Variants in NTN4 observed in about 807,000 individuals in gnomAD.
NTN4 encodes the protein netrin-4.
In NTN4, 32 loss-of-function variants were observed where a neutral mutation model predicts 73.6. The ratio of observed to expected loss-of-function variants is 0.44; its 90% CI spans 0.33 to 0.58. The LOEUF is 0.58. NTN4 is among the 20% of genes least tolerant of loss of function. The probability of loss-of-function intolerance (pLI) is 0.04; values close to 1 mark genes in which losing one functional copy is unlikely to be tolerated. For synonymous variants in NTN4, 258 were observed against 287.5 expected, an observed-to-expected ratio of 0.90 and a Z score of 1.04; for missense variants, 654 against 798.3, an observed-to-expected ratio of 0.82 and a Z score of 2.18.
intron 3 of NTN4, among the ~76,000 whole-genome samples, chr12:95,733,937 G>A (rs533632004): frequency 6.6e-6 from 1 of 152,082 alleles, no homozygotes; most frequent in Non-Finnish European, 1.5e-5. Context: ...AGGCATGGTG[G>A]TGCATGCCTG....
intron 7 of NTN4, among the ~76,000 whole-genome samples, chr12:95,675,938 A>G (rs1456498781): frequency 6.6e-6 from 1 of 152,208 alleles, no homozygotes; most frequent in East Asian, 1.9e-4. Context: ...CCACTTGATG[A>G]CATTCTTAAA....
At chr12:95,691,609 G>T (rs991440920) in intron 5 of NTN4, among the ~76,000 whole-genome samples, 2 of 152,240 alleles carry the variant, frequency 1.3e-5, no homozygotes, top group African/African-American at 2.4e-5. Flanking sequence ...TGGTCAGGCT[G>T]GTCTTGACCT....
intron 2 of NTN4, among the ~76,000 whole-genome samples, chr12:95,768,415 G>A (rs960619670): frequency 6.6e-6 from 1 of 151,960 alleles, no homozygotes; most frequent in African/African-American, 2.4e-5. Context: ...GCAGGATTAG[G>A]GGGAGGGGAT....
intron 3 of NTN4, among the ~76,000 whole-genome samples, chr12:95,732,418 T>C (rs976357287): frequency 6.3e-5 from 8 of 127,260 alleles, no homozygotes; most frequent in South Asian, 5.3e-4. Context: ...TTTTTTTTTT[T>C]CCAGACAAGA....
chr12:95,755,613 G>A (rs2078942358), intron 2 of NTN4, among the ~76,000 whole-genome samples: 2 of 152,070 alleles, frequency 1.3e-5, no homozygotes, highest in Non-Finnish European at 2.9e-5. Context: ...CTTTAAAGTG[G>A]GAAAGTCTTA....
intron 7 of NTN4, among the ~76,000 whole-genome samples, chr12:95,677,351 CTG>C (rs1452381742): frequency 6.7e-6 from 1 of 148,220 alleles, no homozygotes; most frequent in African/African-American, 2.4e-5. Flanking sequence ...CTCATAGACA[CTG>C]TGTCTCAATG....
chr12:95,726,798 C>T lies in NTN4; in HGVS notation c.864+11068G>A, dbSNP rs150332866. On this transcript the variant is annotated intron_variant, in intron 3 of 9. Coordinates refer to ENST00000343702, the MANE Select transcript of NTN4 (RefSeq NM_021229.4). ...TTCAGCCTTCAACATGGTGAAACCCCGTCTCTACTAAAAATACAAAAATTA... is the reference window on the plus strand; with the variant it reads ...TTCAGCCTTCAACATGGTGAAACCCTGTCTCTACTAAAAATACAAAAATTA... 2.0e-4 allele frequency among the ~76,000 whole-genome samples: 30 copies of T among 151,982 alleles called. No homozygotes were observed. The East Asian group carries it at 4.3e-3, about 22-fold the overall frequency.
At chr12:95,715,464 G>A (rs138567914) in intron 3 of NTN4, among the ~76,000 whole-genome samples, 157 of 152,114 alleles carry the variant, frequency 1.0e-3, no homozygotes, top group African/African-American at 3.6e-3. Flanking sequence ...TTTGGTCTTG[G>A]AATCCCCAAG....
rs540886971 is a variant in NTN4, at chr12:95,787,597, T to A, written c.56-129A>T. The A allele has an allele frequency of 7.1e-4, 561 of 793,692 alleles. 3 individuals are homozygous for A. The African/African-American group carries it at 8.9e-3, about 13-fold the overall frequency. 49.2% of individuals were successfully genotyped at this position (793,692 alleles called of 1,614,324 possible). A position where few individuals can be genotyped will look rare whatever the true frequency, so the allele number is the denominator to read the frequency against. ...GAGACTTTCGATAAATGGCAAATTC[T>A]ACCATGCTCCACCATGTTCCTGTTT... On this transcript the variant is annotated intron_variant, in intron 1 of 9. Coordinates refer to ENST00000343702, the MANE Select transcript of NTN4 (RefSeq NM_021229.4).
intron 9 of NTN4, among the ~76,000 whole-genome samples, chr12:95,660,947 T>A (rs1043197357): frequency 3.3e-5 from 5 of 152,164 alleles, no homozygotes; most frequent in Admixed American, 3.3e-4. Flanking sequence ...GCATGGGACA[T>A]CTTATTGTAT....
intron 3 of NTN4, among the ~76,000 whole-genome samples, chr12:95,735,116 C>T (rs1253842265): frequency 1.3e-5 from 2 of 152,066 alleles, no homozygotes; most frequent in Non-Finnish European, 2.9e-5. Flanking sequence ...TTTTCTAATT[C>T]AGAAAAAAGT....
chr12:95,701,936 A>T (rs1229187446), intron 5 of NTN4, among the ~76,000 whole-genome samples: 3 of 152,174 alleles, frequency 2.0e-5, no homozygotes, highest in Admixed American at 2.0e-4. Flanking sequence ...AACATCATCA[A>T]TTTGTTTCAT....
chr12:95,752,822 G>A (rs878912597), intron 2 of NTN4, among the ~76,000 whole-genome samples: 1 of 152,126 alleles, frequency 6.6e-6, no homozygotes, highest in South Asian at 2.1e-4. Context: ...AGCGGCTGCC[G>A]CTGCTTTAAT....
intron 2 of NTN4, among the ~76,000 whole-genome samples, chr12:95,772,308 G>A (rs964658024): frequency 7.2e-5 from 11 of 152,156 alleles, no homozygotes; most frequent in African/African-American, 2.7e-4. Flanking sequence ...CCAAAGTGGT[G>A]GGATTACAGG....
intron 5 of NTN4, among the ~76,000 whole-genome samples, chr12:95,699,895 A>ATTTTCTGAT (rs1207013813): frequency 6.6e-6 from 1 of 151,946 alleles, no homozygotes; most frequent in Non-Finnish European, 1.5e-5. Context: ...TTTCTTTTCC[A>ATTTTCTGAT]TTTTCTGATT....
chr12:95,710,847 C>T (rs1025113068), intron 4 of NTN4, among the ~76,000 whole-genome samples: 1 of 151,860 alleles, frequency 6.6e-6, no homozygotes, highest in Non-Finnish European at 1.5e-5. Flanking sequence ...CTACTAAATA[C>T]AAAAAAATTA....
chr12:95,770,720 T>C (rs2079051022), intron 2 of NTN4, among the ~76,000 whole-genome samples: 1 of 152,258 alleles, frequency 6.6e-6, no homozygotes, highest in Admixed American at 6.5e-5. Flanking sequence ...GAAGCCTTTT[T>C]CAGTAGCAGC....
At chr12:95,766,161 G>T (rs748814609) in intron 2 of NTN4, among the ~76,000 whole-genome samples, 8 of 152,208 alleles carry the variant, frequency 5.3e-5, no homozygotes, top group Non-Finnish European at 1.5e-5. Context: ...TAAAAAGGGT[G>T]CTCCTCTTAC....
Position 95,659,223 on chromosome 12 carries a change from C to T in NTN4, c.1751-1G>A. 1 of 1,606,636 alleles carries T rather than the reference C, an allele frequency of 6.2e-7. No homozygotes were observed. The highest frequency in any genetic ancestry group is 1.1e-5 in the South Asian group (1 of 89,404). On this transcript the variant is annotated splice_acceptor_variant, in intron 9 of 9. Coordinates refer to ENST00000343702, the MANE Select transcript of NTN4 (RefSeq NM_021229.4). LOFTEE classifies it high-confidence loss of function. The stretch of plus-strand genomic sequence containing the variant: ...TGTCCTGCTACAAGGTATTCCAAAC[C>T]TAAAAAAGAACAAAATTAGGGGCTA...
Sources: allele counts gnomAD v4.1 joint callset (sites outside exome capture counted in the v4.1 genomes callset), GRCh38; gene constraint gnomAD v4.1.1; transcripts MANE v1.5; gene names NCBI Gene and HGNC (gene_info 2026-07-23, HGNC 2026-07-21).